The following NREP variants were observed in gnomAD, a reference collection of about 807,000 sequenced individuals.
NREP encodes neuronal regeneration related protein, also known as neuronal regeneration-related protein.
A neutral mutation model predicts 8.6 loss-of-function variants in NREP; 5 were observed. That is an observed-to-expected ratio of 0.58 (90% CI 0.30 to 1.22). The LOEUF (loss-of-function observed/expected upper bound fraction) is 1.22. Ranked by LOEUF, NREP falls within the 50% of genes most tolerant of loss-of-function variation. NREP has a pLI of 0.07. For synonymous variants in NREP, 27 were observed against 28.0 expected (o/e 0.96, Z 0.11); for missense variants, 86 against 82.5 (o/e 1.04, Z -0.17).
chr5:111,904,282 T>G (rs1754722669), intron 2 of NREP, among the ~76,000 whole-genome samples: 1 of 152,180 alleles, frequency 6.6e-6, no homozygotes, highest in Non-Finnish European at 1.5e-5. Context: ...TTGACAAATG[T>G]ATAATGTCAC....
chr5:111,789,142 T>C (rs1462125882), intron 2 of NREP, among the ~76,000 whole-genome samples: 6 of 152,230 alleles, frequency 3.9e-5, no homozygotes. Flanking sequence ...CACATATGTG[T>C]GTGTTCATGT....
intron 2 of NREP, among the ~76,000 whole-genome samples, chr5:111,875,970 G>C (rs1350357194): frequency 6.6e-6 from 1 of 152,214 alleles, no homozygotes; most frequent in Non-Finnish European, 1.5e-5. Context: ...TGGGGAGGCG[G>C]TGTCTGATCT....
chr5:111,758,293 A>C, upstream of NREP: 1 of 979,830 alleles, frequency 1.0e-6, no homozygotes, highest in Non-Finnish European at 1.2e-6. Context: ...GGCCCAAGAC[A>C]TACTCCCCTG....
intron 2 of NREP, among the ~76,000 whole-genome samples, chr5:111,805,606 G>A (rs757488819): frequency 1.4e-4 from 21 of 152,196 alleles, no homozygotes; most frequent in Non-Finnish European, 2.9e-5. Context: ...ACATATATAT[G>A]TGTGTGCTTA....
intron 2 of NREP, among the ~76,000 whole-genome samples, chr5:111,827,251 T>C (rs1752651076): frequency 6.6e-6 from 1 of 152,232 alleles, no homozygotes; most frequent in South Asian, 2.1e-4. Context: ...CACTGCTGCA[T>C]ACCATCAGTG....
intron 2 of NREP, among the ~76,000 whole-genome samples, chr5:111,972,703 G>C (rs1447943364): frequency 2.6e-5 from 4 of 152,122 alleles, no homozygotes; most frequent in African/African-American, 9.7e-5. Flanking sequence ...GGATACTGCT[G>C]TCATCACCAC....
chr5:111,817,875 A>C (rs1395449037), intron 2 of NREP, among the ~76,000 whole-genome samples: 2 of 151,834 alleles, frequency 1.3e-5, no homozygotes, highest in East Asian at 1.9e-4. Flanking sequence ...CATATATTAG[A>C]ATACAAAAAA....
At chr5:111,906,549 C>T (rs1754783758) in intron 2 of NREP, among the ~76,000 whole-genome samples, 1 of 152,098 alleles carries the variant, frequency 6.6e-6, no homozygotes, top group Admixed American at 6.6e-5. Context: ...TGAAAATAAA[C>T]TAATTTTTAC....
At chr5:111,942,993 A>T (rs1690205812) in intron 2 of NREP, among the ~76,000 whole-genome samples, 1 of 151,794 alleles carries the variant, frequency 6.6e-6, no homozygotes. Flanking sequence ...AAATGGGGTT[A>T]AAAGTATTAT....
chr5:111,960,582 C>T (rs1401075781), intron 2 of NREP, among the ~76,000 whole-genome samples: 1 of 152,212 alleles, frequency 6.6e-6, no homozygotes, highest in African/African-American at 2.4e-5. Context: ...TTCATGAGTA[C>T]TGTATTAGGC....
chr5:111,912,486 C>T (rs1754940909), intron 2 of NREP: 1 of 152,054 alleles, frequency 6.6e-6, no homozygotes, highest in African/African-American at 2.4e-5. Context: ...ATCTGTATCT[C>T]TGAAAATGAT....
At chr5:111,817,730 A>G (rs983681443) in intron 2 of NREP, among the ~76,000 whole-genome samples, 11 of 147,350 alleles carry the variant, frequency 7.5e-5, no homozygotes, top group Middle Eastern at 3.5e-3. Flanking sequence ...GCATGAACCC[A>G]GGAGGCGGAG....
intron 2 of NREP, among the ~76,000 whole-genome samples, chr5:111,970,422 C>T (rs148221767): frequency 6.6e-6 from 1 of 152,160 alleles, no homozygotes; most frequent in Admixed American, 6.5e-5. Flanking sequence ...CGGTGATTCA[C>T]GGACACATTC....
chr5:111,860,698 A>C (rs1242315120), intron 2 of NREP, among the ~76,000 whole-genome samples: 6 of 152,300 alleles, frequency 3.9e-5, no homozygotes, highest in Admixed American at 3.9e-4. Flanking sequence ...GTCACCTGAC[A>C]TATAATAGAC....
At chr5:111,797,421 T>A (rs935879632) in intron 2 of NREP, among the ~76,000 whole-genome samples, 1 of 152,212 alleles carries the variant, frequency 6.6e-6, no homozygotes, top group African/African-American at 2.4e-5. Flanking sequence ...TATATTAGAA[T>A]CTAGAGAAGA....
intron 2 of NREP, among the ~76,000 whole-genome samples, chr5:111,967,609 T>C (rs890181558): frequency 1.3e-5 from 2 of 152,196 alleles, no homozygotes; most frequent in African/African-American, 4.8e-5. Context: ...CTTCCCTCTC[T>C]GTGAGGAACG....
chr5:111,846,420 C>CTTTTTTTTTTGTTTTTTTT (rs1753169945), intron 2 of NREP: 2 of 44,414 alleles, frequency 4.5e-5, no homozygotes, highest in Non-Finnish European at 8.3e-5. Context: ...TTTTTGTTTG[C>CTTTTTTTTTTGTTTTTTTT]TTTTTTTTTT....
intron 2 of NREP, among the ~76,000 whole-genome samples, chr5:111,835,305 G>C (rs1752866733): frequency 6.6e-6 from 1 of 152,062 alleles, no homozygotes; most frequent in South Asian, 2.1e-4. Flanking sequence ...TTGTCTATTT[G>C]AGTAAAGTTT....
chr5:111,895,854 G>A (rs1273227443), intron 2 of NREP, among the ~76,000 whole-genome samples: 4 of 152,090 alleles, frequency 2.6e-5, no homozygotes, highest in Admixed American at 2.6e-4. Flanking sequence ...GCTCATGTAC[G>A]GCCTTAGAAG....
Sources: allele counts gnomAD v4.1 joint callset (sites outside exome capture counted in the v4.1 genomes callset), GRCh38; gene constraint gnomAD v4.1.1; transcripts MANE v1.5; gene names NCBI Gene and HGNC (gene_info 2026-07-23, HGNC 2026-07-21).